ANKRD30B: variants seen among roughly 807,000 people sequenced by gnomAD.
ANKRD30B encodes the protein ankyrin repeat domain-containing protein 30B.
In ANKRD30B, 144 loss-of-function variants were observed where a neutral mutation model predicts 202.2. The observed-to-expected ratio is 0.71, with a 90% CI of 0.62 to 0.82. The LOEUF is 0.82. Ranked by LOEUF, ANKRD30B falls within the 40% of genes least tolerant of loss-of-function variation. ANKRD30B has a pLI of 0.00. For missense variants in ANKRD30B, 1,487 were observed against 1,669.1 expected (o/e 0.89, Z 1.90); for synonymous variants, 508 against 561.3 (o/e 0.91, Z 1.34).
In ANKRD30B at chr18:14,851,425, G is replaced by A. The variant is rs569058744; in HGVS notation, c.3565-84G>A. On this transcript the variant is annotated intron_variant, in intron 41 of 43. Coordinates refer to ENST00000690538, the MANE Select transcript of ANKRD30B (RefSeq NM_001367607.2). ...ATAAAAACCCTTTCATTGTATAAAC[G>A]TACAAGTTGTTCTTTAATTTCAGAG... The A allele has an allele frequency of 6.6e-5, 91 of 1,372,530 alleles. No individual in the cohort carries two copies. The South Asian group carries it at 6.9e-4, about 10-fold the overall frequency. The allele number at this position is 1,372,530 out of a possible 1,614,324, so 85.0% of individuals were successfully genotyped here. A position where few individuals can be genotyped will look rare whatever the true frequency, so the allele number is the denominator to read the frequency against.
At chr18:14,849,589 T>G (rs115349831) in intron 40 of ANKRD30B, among the ~76,000 whole-genome samples, 2,462 of 151,838 alleles carry the variant, frequency 0.016, 70 homozygotes, top group African/African-American at 0.057. Context: ...TAGTCTTTAA[T>G]TAAATATTTA....
chr18:14,899,972 T>A, the ANKRD30B span, among the ~76,000 whole-genome samples: 1 of 152,168 alleles, frequency 6.6e-6, no homozygotes, highest in South Asian at 2.1e-4. Context: ...AGTAAATCTA[T>A]CTCATCTTTC....
chr18:14,839,291 G>C (rs1209905612), intron 36 of ANKRD30B, among the ~76,000 whole-genome samples: 1 of 152,200 alleles, frequency 6.6e-6, no homozygotes, highest in Non-Finnish European at 1.5e-5. Context: ...GCGTATGGGA[G>C]TGGCAGTGGA....
chr18:14,871,553 A>G, the ANKRD30B span, among the ~76,000 whole-genome samples: 27 of 151,664 alleles, frequency 1.8e-4, no homozygotes, highest in African/African-American at 6.0e-4. Context: ...GCCCTGTTGC[A>G]TTGGTCCTCA....
chr18:14,748,392 G>A lies in ANKRD30B; in HGVS notation c.-28G>A, dbSNP rs114423543. The stretch of plus-strand genomic sequence containing the variant: ...CTGGGGAAGGGCGAGCGGGAGGCGC[G>A]GGCTCTCTCTAGCAGGGGGCTGCAG... On this transcript the variant is annotated 5_prime_UTR_variant, in exon 1 of 44. Transcript: ENST00000690538. 6,674 of 1,416,884 alleles carry A rather than the reference G, an allele frequency of 4.7e-3. 261 individuals carry two copies. The African/African-American group carries it at 0.081, about 17-fold the overall frequency. The allele number at this position is 1,416,884 out of a possible 1,614,324, so 87.8% of individuals were successfully genotyped here.
chr18:14,873,255 G>T, the ANKRD30B span, among the ~76,000 whole-genome samples: 14 of 152,110 alleles, frequency 9.2e-5, no homozygotes, highest in Non-Finnish European at 1.8e-4. Flanking sequence ...GCCGGGCATG[G>T]TGGCTCACAC....
intron 20 of ANKRD30B, among the ~76,000 whole-genome samples, chr18:14,798,647 C>T (rs1455592291): frequency 6.6e-6 from 1 of 152,070 alleles, no homozygotes; most frequent in East Asian, 1.9e-4. Context: ...ACAGGCACCC[C>T]CCTCCGTGCG....
intron 12 of ANKRD30B, 94 bp from the exon 13 acceptor site, chr18:14,784,242 C>G: frequency 7.8e-7 from 1 of 1,290,082 alleles, no homozygotes; most frequent in Non-Finnish European, 1.1e-6. Flanking sequence ...TCAAAGTCAA[C>G]CAAGAGGACT....
At chr18:14,795,820 T>G (rs574088020) in intron 16 of ANKRD30B, among the ~76,000 whole-genome samples, 2 of 152,166 alleles carry the variant, frequency 1.3e-5, no homozygotes, top group East Asian at 3.9e-4. Flanking sequence ...TCCTTAACAA[T>G]ATGCCATAGC....
At chr18:14,786,878 A>G (rs1968115177) in intron 14 of ANKRD30B, among the ~76,000 whole-genome samples, 161 bp from the exon 15 acceptor site, 1 of 152,180 alleles carries the variant, frequency 6.6e-6, no homozygotes, top group South Asian at 2.1e-4. Flanking sequence ...TTCAATTCTG[A>G]TGGAGTGACT....
the ANKRD30B span, among the ~76,000 whole-genome samples, chr18:14,889,217 A>G: frequency 6.6e-6 from 1 of 151,872 alleles, no homozygotes; most frequent in Non-Finnish European, 1.5e-5. Context: ...GCCTCATATT[A>G]CTATTCCCAT....
At chr18:14,788,727 T>C (rs1968260667) in intron 15 of ANKRD30B, among the ~76,000 whole-genome samples, 1 of 152,082 alleles carries the variant, frequency 6.6e-6, no homozygotes, top group South Asian at 2.1e-4. Flanking sequence ...CATGAACTCA[T>C]CATTTTTTAT....
intron 39 of ANKRD30B, among the ~76,000 whole-genome samples, chr18:14,844,551 CGT>C (rs1971552779): frequency 6.6e-6 from 1 of 152,138 alleles, no homozygotes; most frequent in African/African-American, 2.4e-5. Context: ...CATATGTGTG[CGT>C]GTGTCTTTAT....
intron 7 of ANKRD30B, 79 bp downstream of exon 7, chr18:14,764,169 T>G: frequency 7.2e-7 from 1 of 1,387,048 alleles, no homozygotes; most frequent in Non-Finnish European, 9.5e-7. Context: ...ATGGGAGTTG[T>G]TGGGAATGTC....
At chr18:14,773,379 A>G (rs1283098216) in intron 9 of ANKRD30B, among the ~76,000 whole-genome samples, 1 of 152,194 alleles carries the variant, frequency 6.6e-6, no homozygotes, top group South Asian at 2.1e-4. Context: ...GAGGTTTTCA[A>G]TGTGAATAAA....
In ANKRD30B at chr18:14,818,965, T is replaced by C. The variant is rs1970264805; in HGVS notation, c.2642-3518T>C. Among the ~76,000 whole-genome samples, 3 of 152,250 alleles carry C rather than the reference T, an allele frequency of 2.0e-5. 1 individual carries two copies. In the South Asian group the frequency reaches 6.2e-4, roughly 32 times the overall value. On this transcript the variant is annotated intron_variant, in intron 30 of 43. Coordinates refer to ENST00000690538, the MANE Select transcript of ANKRD30B (RefSeq NM_001367607.2). ...GACTTCCACAATGGTTGAACTAGTT[T>C]ACAGTCCCACCAACAGTGTCAAAGT...
intron 40 of ANKRD30B, among the ~76,000 whole-genome samples, chr18:14,849,528 T>C (rs2143256467): frequency 6.6e-6 from 1 of 151,894 alleles, no homozygotes; most frequent in East Asian, 1.9e-4. Context: ...CTCGCTCTCC[T>C]ACATAAATAA....
At chr18:14,755,739 T>C (rs1479307338) in intron 4 of ANKRD30B, among the ~76,000 whole-genome samples, 2 of 152,190 alleles carry the variant, frequency 1.3e-5, no homozygotes, top group African/African-American at 4.8e-5. Context: ...GAACTCATCA[T>C]TTTTTATGGC....
chr18:14,906,131 A>T, the ANKRD30B span, among the ~76,000 whole-genome samples: 1 of 152,124 alleles, frequency 6.6e-6, no homozygotes, highest in Non-Finnish European at 1.5e-5. Context: ...TTAAAGTGGC[A>T]TAAAGAACAG....
Sources: gnomAD v4.1 joint callset for allele counts (sites outside exome capture counted in the v4.1 genomes callset) on GRCh38, gnomAD v4.1.1 for gene constraint, MANE v1.5 for transcripts, NCBI Gene and HGNC (gene_info 2026-07-23, HGNC 2026-07-21) for gene names.